The following ZNF680 variants were observed in gnomAD, a reference collection of about 807,000 sequenced individuals.
ZNF680 encodes zinc finger protein 680.
In ZNF680, 6 loss-of-function variants were observed where a neutral mutation model predicts 12.1. That is an observed-to-expected ratio of 0.49 (90% CI 0.27 to 0.98). ZNF680 has a LOEUF of 0.98. Ranked by LOEUF, ZNF680 falls within the 50% of genes least tolerant of loss-of-function variation. The pLI is 0.12. For synonymous variants in ZNF680, 170 were observed against 199.3 expected (o/e 0.85, Z 1.24); for missense variants, 561 against 616.3 (o/e 0.91, Z 0.95).
intron 1 of ZNF680, among the ~76,000 whole-genome samples, chr7:64,554,115 G>A (rs1206673319): frequency 5.9e-5 from 9 of 151,692 alleles, no homozygotes; most frequent in African/African-American, 2.2e-4. Context: ...CCTCTTCCCG[G>A]CCGTCATCCC....
chr7:64,509,811 A>G, the ZNF680 span, among the ~76,000 whole-genome samples: 1 of 152,154 alleles, frequency 6.6e-6, no homozygotes, highest in East Asian at 1.9e-4. Context: ...AGCACCTATC[A>G]TGGTAGCCTG....
In ZNF680 at chr7:64,521,380, T is replaced by C. The variant is rs1791520340; in HGVS notation, c.1374A>G (p.Gly458=). 1 of 1,613,498 alleles carries C rather than the reference T, an allele frequency of 6.2e-7. No individual in the cohort carries two copies. The highest frequency in any genetic ancestry group is 1.3e-5 in the African/African-American group (1 of 74,876). Reference sequence around the variant, plus strand: ...ATTCATCACATTTGTAGGATTTCTCTCCAGTATGAATTACTTTATGGTTAG... The same window carrying C: ...ATTCATCACATTTGTAGGATTTCTCCCCAGTATGAATTACTTTATGGTTAG... The part of the protein sequence containing the change: ...TLTNHKVIHT[G]EKSYKCDECG... The change falls in exon 4 of 4, where the codon GGA becomes GGG. Residue 458 remains glycine, a synonymous_variant. Transcript: ENST00000309683.
chr7:64,548,084 C>T (rs1341357464), intron 1 of ZNF680, among the ~76,000 whole-genome samples: 2 of 152,152 alleles, frequency 1.3e-5, no homozygotes, highest in Non-Finnish European at 2.9e-5. Flanking sequence ...TGAGGTATTT[C>T]CAGTTCTGAT....
intron 1 of ZNF680, among the ~76,000 whole-genome samples, chr7:64,549,631 T>A (rs1194375509): frequency 2.7e-5 from 4 of 150,878 alleles, no homozygotes; most frequent in African/African-American, 9.8e-5. Flanking sequence ...AAAGGAGAGA[T>A]CCCCTTATAG....
At chr7:64,554,114 G>A (rs1216580970) in intron 1 of ZNF680, among the ~76,000 whole-genome samples, 1 of 151,120 alleles carries the variant, frequency 6.6e-6, no homozygotes, top group Admixed American at 6.6e-5. Context: ...GCCTCTTCCC[G>A]GCCGTCATCC....
the ZNF680 span, among the ~76,000 whole-genome samples, chr7:64,507,313 TCATCAAAGG>T: frequency 2.0e-5 from 3 of 152,142 alleles, no homozygotes; most frequent in Non-Finnish European, 4.4e-5. Context: ...AGAGAGTTGT[TCATCAAAGG>T]GTACAAAGTT....
Position 64,522,164 on chromosome 7 carries a change from A to G in ZNF680, c.590T>C (p.Leu197Pro). Residue 197 changes from leucine (L) to proline (P), a missense_variant, in exon 4 of 4, where the codon CTA becomes CCA. Transcript: ENST00000309683. ...AGTGTGAATTCTTATATGTTGTGTT[A>G]GATGTGAAAGCATGCAAAATGATTT... ...CGKSFCMLSH[L>P]TQHIRIHTRE... 1 of 1,613,074 alleles carries G rather than the reference A, an allele frequency of 6.2e-7. No homozygotes were observed. The highest frequency in any genetic ancestry group is 8.5e-7 in the Non-Finnish European group (1 of 1,179,428).
the ZNF680 span, among the ~76,000 whole-genome samples, chr7:64,504,527 T>C: frequency 3.3e-5 from 5 of 152,252 alleles, no homozygotes; most frequent in Non-Finnish European, 5.9e-5. Context: ...TCCAAATTAC[T>C]ATAAACAATC....
At position 64,520,777 on chromosome 7, in the gene ZNF680, TTA is replaced by T. The variant is rs1256791720; in HGVS notation, c.*382_*383del. On this transcript the variant is annotated 3_prime_UTR_variant, in exon 4 of 4. Coordinates refer to ENST00000309683, the MANE Select transcript of ZNF680 (RefSeq NM_178558.5). ...AGGTACTACAACCCTCCTATGCTCC[TTA>T]TATTTGTTATGTTTGTCTTCAAAAT... is the stretch of plus-strand genomic sequence containing the variant. 9.1e-5 allele frequency: 16 copies of T among 176,260 alleles called. No homozygotes were observed. In the East Asian group the frequency reaches 2.5e-3, roughly 28 times the overall value. The allele number at this position is 176,260 out of a possible 1,614,324, so 10.9% of individuals were successfully genotyped here.
At chr7:64,501,861 T>G in the ZNF680 span, 1 of 525,142 alleles carries the variant, frequency 1.9e-6, no homozygotes, top group Non-Finnish European at 3.6e-6. Context: ...TTTCCCATGT[T>G]AATTCATATT....
Position 64,521,207 on chromosome 7 carries a change from T to C in ZNF680, c.1547A>G (p.Lys516Arg). Residue 516 changes from lysine to arginine, a missense_variant, in exon 4 of 4, where the codon AAA (lysine) becomes AGA (arginine). By Grantham distance (26) the Lys-to-Arg change is conservative (BLOSUM62 2). Coordinates refer to ENST00000309683, the MANE Select transcript of ZNF680 (RefSeq NM_178558.5). ...TRHKKIHTGE[K>R]LYKPEKCDNN... ...GTCACATTTTTCAGGTTTGTAGAGT[T>C]TCTCACCAGTATGAATTTTCTTATG... 2 of 1,613,290 alleles carry C rather than the reference T, an allele frequency of 1.2e-6. No individual in the cohort carries two copies. Among genetic ancestry groups the C allele is most frequent in the East Asian group, 2.2e-5 (1 of 44,848 alleles).
At chr7:64,554,151 C>A (rs1787254363) in intron 1 of ZNF680, among the ~76,000 whole-genome samples, 1 of 151,594 alleles carries the variant, frequency 6.6e-6, no homozygotes. Flanking sequence ...AGCGTCTCTG[C>A]CCGGCCGCCC....
At chr7:64,524,116 T>C (rs1791700818) in intron 3 of ZNF680, among the ~76,000 whole-genome samples, 1 of 151,874 alleles carries the variant, frequency 6.6e-6, no homozygotes, top group Admixed American at 6.6e-5. Context: ...TGAAATATAC[T>C]TGAAGTCAAA....
chr7:64,550,892 C>G (rs1012784199), intron 1 of ZNF680, among the ~76,000 whole-genome samples: 1 of 152,146 alleles, frequency 6.6e-6, no homozygotes, highest in Admixed American at 6.6e-5. Flanking sequence ...TCTGGTAATT[C>G]TAGACAGTTC....
At chr7:64,554,400 C>T (rs1787282682) in intron 1 of ZNF680, among the ~76,000 whole-genome samples, 1 of 151,526 alleles carries the variant, frequency 6.6e-6, no homozygotes, top group African/African-American at 2.4e-5. Context: ...CCAGCTGCCC[C>T]GTCCAGGAGG....
At chr7:64,504,968 A>G in the ZNF680 span, among the ~76,000 whole-genome samples, 46,211 of 152,078 alleles carry the variant, frequency 0.3, 7,776 homozygotes, top group African/African-American at 0.43. Context: ...GGCAAATCAG[A>G]TAAGAGCAAT....
chr7:64,519,837 A>G (rs1791438694), downstream of ZNF680: 1 of 151,822 alleles, frequency 6.6e-6, no homozygotes, highest in South Asian at 2.1e-4. Flanking sequence ...AAAAGGTTAA[A>G]GTTAATGGCA....
the ZNF680 span, chr7:64,501,836 C>T: frequency 1.7e-6 from 1 of 576,092 alleles, no homozygotes; most frequent in Non-Finnish European, 3.3e-6. Flanking sequence ...TCAGCACATG[C>T]TCATTGTCCT....
chr7:64,526,232 A>G, intron 3 of ZNF680: 1 of 1,078,136 alleles, frequency 9.3e-7, no homozygotes, highest in Non-Finnish European at 1.1e-6. Flanking sequence ...CTTGTAGATG[A>G]AAAAGGCTAA....
Sources: allele counts gnomAD v4.1 joint callset (sites outside exome capture counted in the v4.1 genomes callset), GRCh38; gene constraint gnomAD v4.1.1; transcripts MANE v1.5; gene names NCBI Gene and HGNC (gene_info 2026-07-23, HGNC 2026-07-21).